ILKAP: variants seen among roughly 807,000 people sequenced by gnomAD.
ILKAP encodes ILK associated serine/threonine phosphatase, also known as integrin-linked kinase-associated serine/threonine phosphatase 2C.
In ILKAP, 11 loss-of-function variants were observed where a neutral mutation model predicts 49.1. The ratio of observed to expected loss-of-function variants is 0.22; its 90% CI spans 0.14 to 0.37. The LOEUF is 0.37. Among genes scored for constraint, ILKAP ranks in the 10% least tolerant of loss-of-function variants. The pLI, the probability that ILKAP is intolerant of heterozygous loss-of-function variation, is 1.00. For synonymous variants in ILKAP, 186 were observed against 192.8 expected (o/e 0.96, Z 0.29); for missense variants, 363 against 510.8 (o/e 0.71, Z 2.79).
chr2:238,177,860 GC>G (rs1693528537), intron 9 of ILKAP, among the ~76,000 whole-genome samples: 1 of 152,092 alleles, frequency 6.6e-6, no homozygotes, highest in African/African-American at 2.4e-5. Context: ...CAGATCACAT[GC>G]TAACTCTGTG....
chr2:238,190,919 T>C (rs940233249), intron 3 of ILKAP, among the ~76,000 whole-genome samples: 1 of 150,434 alleles, frequency 6.6e-6, no homozygotes, highest in Non-Finnish European at 1.5e-5. Context: ...TGCAAGTACT[T>C]ATTTACTTAC....
intron 1 of ILKAP, among the ~76,000 whole-genome samples, chr2:238,200,619 C>T (rs577021114): frequency 4.9e-4 from 75 of 152,144 alleles, no homozygotes; most frequent in Non-Finnish European, 9.3e-4. Flanking sequence ...CCCAGGAGTT[C>T]GAGAGCAGCC....
intron 6 of ILKAP, among the ~76,000 whole-genome samples, chr2:238,184,487 A>G (rs1693823450): frequency 6.6e-6 from 1 of 151,766 alleles, no homozygotes; most frequent in Admixed American, 6.6e-5. Flanking sequence ...AGGGCTGGCC[A>G]TTTTGTTTTT....
At chr2:238,171,159 T>A in intron 10 of ILKAP, 135 bp from the exon 11 acceptor site, 1 of 599,590 alleles carries the variant, frequency 1.7e-6, no homozygotes. Context: ...TTTTCTTTTT[T>A]CTTTTTTTTT....
rs371547046 is a variant in ILKAP, at chr2:238,183,748, G to A, written c.627-8C>T. The A allele has an allele frequency of 6.4e-5, 103 of 1,607,418 alleles. No individual in the cohort carries two copies. The highest frequency in any genetic ancestry group is 8.5e-5 in the Non-Finnish European group (100 of 1,176,308). On this transcript the variant is annotated splice_region_variant and splice_polypyrimidine_tract_variant and intron_variant, in intron 7 of 11. Coordinates refer to ENST00000254654, the MANE Select transcript of ILKAP (RefSeq NM_030768.3). ...TCTTTCCAGGCAGGCTTCCTGGGGG[G>A]AAACACATCAGAAACACAGTCACCA...
At chr2:238,190,164 A>G (rs751986852) in intron 3 of ILKAP, among the ~76,000 whole-genome samples, 192 bp from the exon 4 acceptor site, 1 of 152,164 alleles carries the variant, frequency 6.6e-6, no homozygotes, top group Non-Finnish European at 1.5e-5. Context: ...GTGAGAGAAC[A>G]TAAAGTTAAG....
At chr2:238,196,916 A>C (rs1468955902) in intron 1 of ILKAP, among the ~76,000 whole-genome samples, 1 of 152,238 alleles carries the variant, frequency 6.6e-6, no homozygotes, top group African/African-American at 2.4e-5. Flanking sequence ...AAAAGTATTT[A>C]GTATGGCCAG....
In ILKAP at chr2:238,185,294, G is replaced by A; in HGVS notation, c.426-7C>T. 6.5e-7 allele frequency: 1 copy of A among 1,549,414 alleles called. No individual in the cohort carries two copies. Among genetic ancestry groups the A allele is most frequent in the African/African-American group, 1.4e-5 (1 of 73,724 alleles). Reference sequence around the variant, plus strand: ...AAAATATGAAACCCGAGTACTGAAAGAACGAATTGAGAGTTAATCAAATTC... The same window carrying A: ...AAAATATGAAACCCGAGTACTGAAAAAACGAATTGAGAGTTAATCAAATTC... On this transcript the variant is annotated splice_region_variant and splice_polypyrimidine_tract_variant and intron_variant, in intron 5 of 11. Coordinates refer to ENST00000254654, the MANE Select transcript of ILKAP (RefSeq NM_030768.3).
At chr2:238,186,734 G>A (rs985679307) in intron 5 of ILKAP, 2 of 149,168 alleles carry the variant, frequency 1.3e-5, no homozygotes, top group Non-Finnish European at 1.5e-5. Context: ...AAATGCCCAC[G>A]AGAAATGACA....
chr2:238,184,157 A>T, intron 6 of ILKAP, 44 bp from the exon 7 acceptor site: 1 of 1,045,786 alleles, frequency 9.6e-7, no homozygotes, highest in South Asian at 1.3e-5. Context: ...CAAGGAGGGA[A>T]GATTATCCTC....
rs1693223530 is a variant in ILKAP, at chr2:238,171,648, A to C, written c.957-624T>G. Reference sequence around the variant, plus strand: ...AGGCAAACTCCAGAAAAATCACTGAATAAAAACATGGGTGTTATGGTAAAT... The same window carrying C: ...AGGCAAACTCCAGAAAAATCACTGACTAAAAACATGGGTGTTATGGTAAAT... On this transcript the variant is annotated intron_variant, in intron 10 of 11. Coordinates refer to ENST00000254654, the MANE Select transcript of ILKAP (RefSeq NM_030768.3). Among the ~76,000 whole-genome samples, 6 of 152,346 alleles carry C rather than the reference A, an allele frequency of 3.9e-5. No individual in the cohort carries two copies. In the South Asian group the frequency reaches 1.2e-3, roughly 32 times the overall value.
rs565228928 is a variant in ILKAP, at chr2:238,171,796, G to A, written c.957-772C>T. On this transcript the variant is annotated intron_variant, in intron 10 of 11. Coordinates refer to ENST00000254654, the MANE Select transcript of ILKAP (RefSeq NM_030768.3). ...ACAGCTTGGGGCTGCATCCAAGACC[G>A]AGGCCCAAGAAGGGGCAGCTGTGCG... Among the ~76,000 whole-genome samples, 3 of 152,254 alleles carry A rather than the reference G, an allele frequency of 2.0e-5. 1 individual carries two copies. Among genetic ancestry groups the A allele is most frequent in the Admixed American group, 6.5e-5 (1 of 15,292 alleles).
At chr2:238,178,186 T>C (rs906100699) in intron 9 of ILKAP, among the ~76,000 whole-genome samples, 1 of 152,192 alleles carries the variant, frequency 6.6e-6, no homozygotes, top group Admixed American at 6.5e-5. Flanking sequence ...AAAGTTAGGA[T>C]ATTTTTATTT....
intron 9 of ILKAP, among the ~76,000 whole-genome samples, chr2:238,176,277 G>A (rs893133328): frequency 1.3e-5 from 2 of 152,046 alleles, no homozygotes; most frequent in African/African-American, 4.8e-5. Context: ...GGGATTACAG[G>A]TGCCTGCCAC....
chr2:238,201,526 C>G (rs1446166984), intron 1 of ILKAP, among the ~76,000 whole-genome samples: 1 of 152,214 alleles, frequency 6.6e-6, no homozygotes, highest in African/African-American at 2.4e-5. Flanking sequence ...CTCTGCCACC[C>G]TTTCAGCTCA....
chr2:238,173,410 T>G, intron 10 of ILKAP, 124 bp downstream of exon 10: 1 of 1,278,106 alleles, frequency 7.8e-7, no homozygotes, highest in Non-Finnish European at 1.1e-6. Context: ...TGTTTATCTC[T>G]GCACCCCCAG....
chr2:238,184,890 T>C (rs1450791225), intron 6 of ILKAP, among the ~76,000 whole-genome samples: 1 of 152,122 alleles, frequency 6.6e-6, no homozygotes, highest in African/African-American at 2.4e-5. Context: ...TATAACACAG[T>C]GCTATTTGAA....
At chr2:238,201,281 T>C (rs1315020663) in intron 1 of ILKAP, among the ~76,000 whole-genome samples, 5 of 152,248 alleles carry the variant, frequency 3.3e-5, no homozygotes, top group African/African-American at 1.2e-4. Flanking sequence ...TTGTTGGTTG[T>C]AGCTAACAGC....
intron 1 of ILKAP, among the ~76,000 whole-genome samples, chr2:238,202,872 A>G (rs1694626764): frequency 6.7e-6 from 1 of 148,468 alleles, no homozygotes; most frequent in South Asian, 2.2e-4. Flanking sequence ...GAGAGGGGGA[A>G]CTTCCCGTGG....
Sources: gnomAD v4.1 joint callset for allele counts (sites outside exome capture counted in the v4.1 genomes callset) on GRCh38, gnomAD v4.1.1 for gene constraint, MANE v1.5 for transcripts, NCBI Gene and HGNC (gene_info 2026-07-23, HGNC 2026-07-21) for gene names.